SLC6A20: variants seen among roughly 807,000 people sequenced by gnomAD.
SLC6A20 encodes sodium- and chloride-dependent transporter XTRP3.
SLC6A20 carries 73 observed loss-of-function variants against 64.3 expected under a neutral mutation model. That is an observed-to-expected ratio of 1.14 (90% CI 0.94 to 1.38). The LOEUF (loss-of-function observed/expected upper bound fraction) is 1.38. Among genes scored for constraint, SLC6A20 ranks in the 40% most tolerant of loss-of-function variants. SLC6A20 has a pLI of 0.00. For synonymous variants in SLC6A20, 347 were observed against 329.6 expected, an observed-to-expected ratio of 1.05 and a Z score of -0.57; for missense variants, 725 against 772.8, an observed-to-expected ratio of 0.94 and a Z score of 0.73.
chr3:45,759,091 G>A lies in SLC6A20; in HGVS notation c.1666C>T (p.Leu556=), dbSNP rs1261537556. ...GCCACAAGCAGCCCGATGACAGCCAGTGCATAGGCCGGGTAATCTTTGGTC... is the reference window on the plus strand; with the variant it reads ...GCCACAAGCAGCCCGATGACAGCCAATGCATAGGCCGGGTAATCTTTGGTC... ...LVTKDYPAYA[L]AVIGLLVASS... is the part of the protein sequence containing the mutation. The change falls in exon 11 of 11, where the codon CTG becomes TTG. Residue 556 remains leucine (L), a synonymous_variant. Coordinates refer to ENST00000358525, the MANE Select transcript of SLC6A20 (RefSeq NM_020208.4). 6.2e-7 allele frequency: 1 copy of A among 1,612,452 alleles called. No individual in the cohort carries two copies. Among genetic ancestry groups the A allele is most frequent in the Non-Finnish European group, 8.5e-7 (1 of 1,179,622 alleles).
In SLC6A20 at chr3:45,775,775, C is replaced by T. The variant is rs201749632; in HGVS notation, c.568G>A (p.Glu190Lys). Reference protein sequence around the residue: ...VVYLCILRGTESTGKVVYFTA... With the variant: ...VVYLCILRGTKSTGKVVYFTA... ...CACTGTCCCACCTTGCCAGTGGACTCGGTGCCACGCAGGATGCACAGGTAC... is the reference window on the plus strand; with the variant it reads ...CACTGTCCCACCTTGCCAGTGGACTTGGTGCCACGCAGGATGCACAGGTAC... Residue 190 changes from glutamate (E) to lysine (K), a missense_variant, in exon 4 of 11, where the codon GAG becomes AAG. Coordinates refer to ENST00000358525, the MANE Select transcript of SLC6A20 (RefSeq NM_020208.4). 5.6e-6 allele frequency: 9 copies of T among 1,613,576 alleles called. No individual in the cohort carries two copies. Among genetic ancestry groups the T allele is most frequent in the African/African-American group, 4.0e-5 (3 of 75,002 alleles).
At chr3:45,769,098 T>G (rs2125723313) in intron 7 of SLC6A20, among the ~76,000 whole-genome samples, 1 of 152,248 alleles carries the variant, frequency 6.6e-6, no homozygotes, top group Non-Finnish European at 1.5e-5. Context: ...TTAGCTTTCT[T>G]TTGCAACAAA....
rs1187757831 is a variant in SLC6A20 at position 45,762,977 on chromosome 3, G to A, written c.1399C>T (p.Leu467=). The A allele has an allele frequency of 6.2e-7, 1 of 1,614,072 alleles. No individual in the cohort carries two copies. The highest frequency in any genetic ancestry group is 8.5e-7 in the Non-Finnish European group (1 of 1,180,048). Residue 467 remains leucine (L), a synonymous_variant, in exon 9 of 11, where the codon CTG becomes TTG. Transcript: ENST00000358525. Reference sequence around the variant, plus strand: ...ACCAGCACGATGAGCAGCAGGGACAGTGTGGCCGCGTAGTCGTTGAATATG... The same window carrying A: ...ACCAGCACGATGAGCAGCAGGGACAATGTGGCCGCGTAGTCGTTGAATATG... ...FDIFNDYAAT[L]SLLLIVLVET... is the part of the protein sequence containing the mutation.
At position 45,772,576 on chromosome 3, in the gene SLC6A20, T is replaced by C; in HGVS notation, c.622A>G (p.Ile208Val). ...FTASLPYCVL[I>V]IYLIRGLTLH... Reference sequence around the variant, plus strand: ...GTGAGGCCCCTGATGAGGTAGATGATGAGCACGCAATAGGGCAGTGACGCC... The same window carrying C: ...GTGAGGCCCCTGATGAGGTAGATGACGAGCACGCAATAGGGCAGTGACGCC... Residue 208 changes from isoleucine to valine, a missense_variant, in exon 5 of 11, where the codon ATC (isoleucine) becomes GTC (valine). Ile to Val is a conservative substitution (Grantham distance 29). Coordinates refer to ENST00000358525, the MANE Select transcript of SLC6A20 (RefSeq NM_020208.4). 3 of 1,613,970 alleles carry C rather than the reference T, an allele frequency of 1.9e-6. No individual in the cohort carries two copies. The highest frequency in any genetic ancestry group is 2.2e-5 in the South Asian group (2 of 91,050).
rs886058533 is a variant in SLC6A20, at chr3:45,757,382, A to T, written c.*1596T>A. ...ATCTCAGGCTGTCTCAGTGGGGGGG[A>T]AACCTTGGACAATACCCAGGCTTTC... On this transcript the variant is annotated 3_prime_UTR_variant, in exon 11 of 11. Transcript: ENST00000358525. 2.0e-5 allele frequency: 3 copies of T among 151,798 alleles called. No homozygotes were observed. Among genetic ancestry groups the T allele is most frequent in the Non-Finnish European group, 4.4e-5 (3 of 68,058 alleles). The allele number at this position is 151,798 out of a possible 1,614,324, so 9.4% of individuals were successfully genotyped here.
chr3:45,771,552 G>A, intron 5 of SLC6A20, 94 bp from the exon 6 acceptor site: 2 of 1,567,672 alleles, frequency 1.3e-6, no homozygotes, highest in East Asian at 2.3e-5. Flanking sequence ...AGGGGAAGGA[G>A]CTCACCTACA....
intron 1 of SLC6A20, among the ~76,000 whole-genome samples, chr3:45,783,527 C>T (rs1196788917): frequency 6.6e-6 from 1 of 152,192 alleles, no homozygotes; most frequent in Admixed American, 6.5e-5. Flanking sequence ...TGAAAATGAG[C>T]CCAGAATGCA....
intron 1 of SLC6A20, among the ~76,000 whole-genome samples, chr3:45,783,778 C>T (rs1371934343): frequency 6.6e-6 from 1 of 152,250 alleles, no homozygotes; most frequent in Non-Finnish European, 1.5e-5. Context: ...TAGCTTCATC[C>T]TGCTCATGTG....
chr3:45,770,294 C>T lies in SLC6A20; in HGVS notation c.1013G>A (p.Gly338Asp), dbSNP rs1699838737. 2 of 1,614,076 alleles carry T rather than the reference C, an allele frequency of 1.2e-6. No individual in the cohort carries two copies. The highest frequency in any genetic ancestry group is 2.2e-5 in the East Asian group (1 of 44,892). The change falls in exon 7 of 11, where the codon GGC becomes GAC. Residue 338 changes from glycine (G) to aspartate (D), a missense_variant. Physicochemically the swap from Gly to Asp is moderately conservative, Grantham distance 94. Transcript: ENST00000358525. ...LTASNLEQVK[G>D]YLASAYPSKY... The stretch of plus-strand genomic sequence containing the variant: ...GCTTGGGTAGGCAGATGCGAGGTAG[C>T]CCTTCACCTGCTCCAGGTTGCTGGC...
At chr3:45,796,253 G>C in intron 1 of SLC6A20, 46 bp downstream of exon 1, 1 of 1,563,712 alleles carries the variant, frequency 6.4e-7, no homozygotes, top group South Asian at 1.2e-5. Context: ...ACACGGCGGG[G>C]ACGCGCACAG....
At chr3:45,776,927 A>G (rs17078335) in intron 3 of SLC6A20, among the ~76,000 whole-genome samples, 5,239 of 152,200 alleles carry the variant, frequency 0.034, 321 homozygotes, top group African/African-American at 0.12. Flanking sequence ...CTTATGAACA[A>G]AGGAGCCTCA....
intron 7 of SLC6A20, among the ~76,000 whole-genome samples, chr3:45,766,603 T>C (rs1390888622): frequency 2.6e-5 from 4 of 152,236 alleles, no homozygotes; most frequent in African/African-American, 4.8e-5. Context: ...CCAATGTGAC[T>C]GTATCTGGAG....
rs746107476 is a variant in SLC6A20 at position 45,762,992 on chromosome 3, C to T, written c.1384G>A (p.Asp462Asn). Residue 462 changes from aspartate (D) to asparagine (N), a missense_variant, in exon 9 of 11, where the codon GAC (aspartate) becomes AAC (asparagine). Physicochemically the swap from Asp to Asn is conservative, Grantham distance 23 (BLOSUM62 1). Transcript: ENST00000358525. Reference sequence around the variant, plus strand: ...AGCAGGGACAGTGTGGCCGCGTAGTCGTTGAATATGTCAAACCAGTAGTTC... The same window carrying T: ...AGCAGGGACAGTGTGGCCGCGTAGTTGTTGAATATGTCAAACCAGTAGTTC... ...AGNYWFDIFNDYAATLSLLLI... is the reference protein window; with the variant it reads ...AGNYWFDIFNNYAATLSLLLI... 3.6e-5 allele frequency: 58 copies of T among 1,614,098 alleles called. No individual in the cohort carries two copies. Among genetic ancestry groups the T allele is most frequent in the South Asian group, 1.1e-4 (10 of 91,068 alleles).
Position 45,765,770 on chromosome 3 carries a change from A to G in SLC6A20, c.1099-29T>C. ...CCCAGGGTGAGAAGACACCAGTTAC[A>G]TGCAAGAGGGACTTATAGTCTTATT... On this transcript the variant is annotated intron_variant, in intron 7 of 10. Transcript: ENST00000358525. This position sits in a 1 kb window ranked among gnomAD's most constrained non-coding sequence, Gnocchi z 4.2. 2 of 1,612,474 alleles carry G rather than the reference A, an allele frequency of 1.2e-6. No homozygotes were observed. Among genetic ancestry groups the G allele is most frequent in the South Asian group, 1.1e-5 (1 of 91,012 alleles).
chr3:45,788,673 T>C (rs1373120009), intron 1 of SLC6A20, among the ~76,000 whole-genome samples: 1 of 152,228 alleles, frequency 6.6e-6, no homozygotes, highest in Non-Finnish European at 1.5e-5. Flanking sequence ...AGTTCTCCTT[T>C]GCAGAAATGA....
In SLC6A20 at chr3:45,759,616, G is replaced by C. The variant is rs1025930762; in HGVS notation, c.1629+241C>G. ...AGTTTTTCTCAGCTTCCGGGGGACA[G>C]GTGGATGGGGAAGCTCTGGAGGAGT... On this transcript the variant is annotated intron_variant, in intron 10 of 10. Coordinates refer to ENST00000358525, the MANE Select transcript of SLC6A20 (RefSeq NM_020208.4). Among the ~76,000 whole-genome samples, 5 of 152,344 alleles carry C rather than the reference G, an allele frequency of 3.3e-5. 1 individual carries two copies. In the South Asian group the frequency reaches 6.2e-4, roughly 19 times the overall value.
Position 45,796,411 on chromosome 3 carries a change from T to A in SLC6A20, c.9A>T (p.Lys3Asn), listed in dbSNP as rs753286246. The A allele has an allele frequency of 6.2e-7, 1 of 1,611,176 alleles. No homozygotes were observed. Among genetic ancestry groups the A allele is most frequent in the East Asian group, 2.2e-5 (1 of 44,728 alleles). ...GCGAGTTGGCCCACAGCGGCCGCGC[T>A]TTCTCCATGGCCCCGGCCTCGGCGC... MEKARPLWANSLQ... is the reference protein window; with the variant it reads MENARPLWANSLQ... The change falls in exon 1 of 11, where the codon AAA becomes AAT. Residue 3 changes from lysine (K) to asparagine (N), a missense_variant. Coordinates refer to ENST00000358525, the MANE Select transcript of SLC6A20 (RefSeq NM_020208.4).
At chr3:45,766,779 C>T (rs1699783974) in intron 7 of SLC6A20, among the ~76,000 whole-genome samples, 1 of 152,208 alleles carries the variant, frequency 6.6e-6, no homozygotes, top group South Asian at 2.1e-4. Flanking sequence ...AATAGGTCTT[C>T]ATCAGAAACC....
chr3:45,772,239 G>A, intron 5 of SLC6A20: 1 of 401,234 alleles, frequency 2.5e-6, no homozygotes, highest in South Asian at 3.4e-5. Context: ...CAGGGGTGCA[G>A]CAGTTGGGGG....
Sources: allele counts gnomAD v4.1 joint callset (sites outside exome capture counted in the v4.1 genomes callset), GRCh38; gene constraint gnomAD v4.1.1; non-coding constraint Gnocchi (gnomAD v3.1); transcripts MANE v1.5; gene names NCBI Gene and HGNC (gene_info 2026-07-23, HGNC 2026-07-21).